CDSN: variants seen among roughly 807,000 people sequenced by gnomAD.
CDSN encodes the protein corneodesmosin.
In CDSN, 11 loss-of-function variants were observed where a neutral mutation model predicts 25.6. The observed-to-expected ratio is 0.43, with a 90% CI of 0.27 to 0.71. The LOEUF is 0.71. CDSN is among the 30% of genes least tolerant of loss of function. The pLI, the probability that CDSN is intolerant of heterozygous loss-of-function variation, is 0.20. For synonymous variants in CDSN, 266 were observed against 267.4 expected (o/e 0.99, Z 0.05); for missense variants, 598 against 670.9 (o/e 0.89, Z 1.20).
intron 1 of CDSN, among the ~76,000 whole-genome samples, chr6:31,119,099 C>T (rs1772324704): frequency 6.6e-6 from 1 of 151,938 alleles, no homozygotes; most frequent in Admixed American, 6.6e-5. Flanking sequence ...CTGCCTTGGC[C>T]TCCTGAAATG....
chr6:31,119,220 C>T (rs3095325), intron 1 of CDSN, among the ~76,000 whole-genome samples: 52,876 of 151,962 alleles, frequency 0.35, 9,636 homozygotes, highest in South Asian at 0.54. Flanking sequence ...CACCAACAAC[C>T]AGACTGCCAT....
At position 31,116,151 on chromosome 6, in the gene CDSN, G is replaced by A. The variant is rs141505496; in HGVS notation, c.1464C>T (p.Ser488=). The A allele has an allele frequency of 3.7e-6, 6 of 1,611,266 alleles. No homozygotes were observed. Among genetic ancestry groups the A allele is most frequent in the Non-Finnish European group, 5.1e-6 (6 of 1,178,354 alleles). The change falls in exon 2 of 2, where the codon TCC becomes TCT. Residue 488 remains serine (S), a synonymous_variant. Transcript: ENST00000376288. ...DPSAGAKPCG[S]SSAGKIPCRS... ...GGCAGGGGATCTTTCCAGCACTGCT[G>A]GAGCCACAGGGCTTGGCACCAGCGG...
rs1167492307 is a variant in CDSN at position 31,116,980 on chromosome 6, C to T, written c.635G>A (p.Ser212Asn). The T allele has an allele frequency of 1.2e-6, 2 of 1,614,082 alleles. No individual in the cohort carries two copies. The highest frequency in any genetic ancestry group is 1.7e-6 in the Non-Finnish European group (2 of 1,180,048). Residue 212 changes from serine to asparagine, a missense_variant, in exon 2 of 2, where the codon AGC becomes AAC. Ser to Asn is a conservative substitution (Grantham distance 46). Transcript: ENST00000376288. Reference protein sequence around the residue: ...FGVSSSGQSVSSNQRPCSSDI... With the variant: ...FGVSSSGQSVNSNQRPCSSDI... Reference sequence around the variant, plus strand: ...CGAACTACAGGGACGCTGGTTGGAGCTGACGCTTTGGCCACTGCTGGATAC... The same window carrying T: ...CGAACTACAGGGACGCTGGTTGGAGTTGACGCTTTGGCCACTGCTGGATAC...
rs1358720008 is a variant in CDSN, at chr6:31,116,883, G to A, written c.732C>T (p.His244=). The A allele has an allele frequency of 6.2e-7, 1 of 1,613,984 alleles. No individual in the cohort carries two copies. The highest frequency in any genetic ancestry group is 1.3e-5 in the African/African-American group (1 of 74,926). The part of the protein sequence containing the change: ...SHSGPYIPSS[H]SVSGGQRPVV... ...CAGGCCTCTGACCCCCTGACACAGA[G>A]TGGGAGCTGGGGATGTAGGGGCCGG... Residue 244 remains histidine (H), a synonymous_variant, in exon 2 of 2, where the codon CAC becomes CAT. Coordinates refer to ENST00000376288, the MANE Select transcript of CDSN (RefSeq NM_001264.5).
chr6:31,116,806 C>A lies in CDSN; in HGVS notation c.809G>T (p.Gly270Val), dbSNP rs925389963. Residue 270 changes from glycine (G) to valine (V), a missense_variant, in exon 2 of 2, where the codon GGT (glycine) becomes GTT (valine). Transcript: ENST00000376288. Reference sequence around the variant, plus strand: ...AAGGCCACCATTGCTACAGGGGGGACCTTGAACCACTCCAGGGGCACCAGA... The same window carrying A: ...AAGGCCACCATTGCTACAGGGGGGAACTTGAACCACTCCAGGGGCACCAGA... ...HGSGAPGVVQ[G>V]PPCSNGGLPG... The A allele has an allele frequency of 1.2e-6, 2 of 1,613,886 alleles. No individual in the cohort carries two copies. Among genetic ancestry groups the A allele is most frequent in the African/African-American group, 1.3e-5 (1 of 75,016 alleles).
Position 31,117,281 on chromosome 6 carries a change from A to G in CDSN, c.334T>C (p.Tyr112His). The G allele has an allele frequency of 6.2e-7, 1 of 1,600,828 alleles. No individual in the cohort carries two copies. Residue 112 changes from tyrosine (Y) to histidine (H), a missense_variant, in exon 2 of 2, where the codon TAT (tyrosine) becomes CAT (histidine). Transcript: ENST00000376288. The part of the protein sequence containing the change: ...SAGSFKPGTG[Y>H]SQVSYSSGSG... The stretch of plus-strand genomic sequence containing the variant: ...CCGGAGGAGTAGCTGACCTGGGAAT[A>G]CCCCGTTCCTGGCTTAAAAGATCCT...
chr6:31,120,432 G>T lies in CDSN; in HGVS notation c.-13C>A, dbSNP rs200160014. The T allele has an allele frequency of 6.4e-7, 1 of 1,568,168 alleles. No individual in the cohort carries two copies. Among genetic ancestry groups the T allele is most frequent in the Non-Finnish European group, 8.6e-7 (1 of 1,156,498 alleles). On this transcript the variant is annotated 5_prime_UTR_variant, in exon 1 of 2. Coordinates refer to ENST00000376288, the MANE Select transcript of CDSN (RefSeq NM_001264.5). The stretch of plus-strand genomic sequence containing the variant: ...GAGACGAGCCCATCTCGGACTGCAC[G>T]GCCTCCTGACTGATGGCAGCTCAAG...
At position 31,115,698 on chromosome 6, in the gene CDSN, G is replaced by T. The variant is rs1772071789; in HGVS notation, c.*327C>A. The T allele has an allele frequency of 2.6e-6, 1 of 384,514 alleles. No homozygotes were observed. The highest frequency in any genetic ancestry group is 4.7e-6 in the Non-Finnish European group (1 of 214,194). The allele number at this position is 384,514 out of a possible 1,614,324, so 23.8% of individuals were successfully genotyped here. ...TTTCCCAGTTGAGAAGCTGATGGGG[G>T]TGTTACTCAATGGACCATTTCCACA... On this transcript the variant is annotated 3_prime_UTR_variant, in exon 2 of 2. Coordinates refer to ENST00000376288, the MANE Select transcript of CDSN (RefSeq NM_001264.5). The surrounding 1 kb of genome is among the most constrained non-coding windows in gnomAD (Gnocchi z 4.2).
At position 31,115,859 on chromosome 6, in the gene CDSN, AAGAG is replaced by A; in HGVS notation, c.*162_*165del. The A allele has an allele frequency of 1.6e-6, 1 of 622,758 alleles. No individual in the cohort carries two copies. The highest frequency in any genetic ancestry group is 2.7e-5 in the East Asian group (1 of 36,382). The allele number at this position is 622,758 out of a possible 1,614,324, so 38.6% of individuals were successfully genotyped here. On this transcript the variant is annotated 3_prime_UTR_variant, in exon 2 of 2. Transcript: ENST00000376288. The surrounding 1 kb of genome is among the most constrained non-coding windows in gnomAD (Gnocchi z 4.2). ...AGAAGAGGAAGGAGGAAGGGGTGATAAGAGAGAGTCTGCAACCTTGGGGTAGTGG... is the reference window on the plus strand; with the variant it reads ...AGAAGAGGAAGGAGGAAGGGGTGATAAGAGTCTGCAACCTTGGGGTAGTGG...
Position 31,116,208 on chromosome 6 carries a change from C to T in CDSN, c.1407G>A (p.Gly469=). 1 of 1,613,800 alleles carries T rather than the reference C, an allele frequency of 6.2e-7. No individual in the cohort carries two copies. The highest frequency in any genetic ancestry group is 8.5e-7 in the Non-Finnish European group (1 of 1,179,810). Residue 469 remains glycine (G), a synonymous_variant, in exon 2 of 2, where the codon GGG becomes GGA. Transcript: ENST00000376288. ...CMSVSSLTLT[G]GPDGSPHPDP... Reference sequence around the variant, plus strand: ...CAGGATGGGGAGAGCCATCGGGGCCCCCAGTCAGTGTCAAGGAGGAGACAG... The same window carrying T: ...CAGGATGGGGAGAGCCATCGGGGCCTCCAGTCAGTGTCAAGGAGGAGACAG...
rs150898829 is a variant in CDSN at position 31,117,040 on chromosome 6, G to A, written c.575C>T (p.Pro192Leu). 2.6e-4 allele frequency: 413 copies of A among 1,614,252 alleles called. No individual in the cohort carries two copies. The African/African-American group carries it at 2.8e-3, about 11-fold the overall frequency. Residue 192 changes from proline (P) to leucine (L), a missense_variant, in exon 2 of 2, where the codon CCT becomes CTT. Coordinates refer to ENST00000376288, the MANE Select transcript of CDSN (RefSeq NM_001264.5). ...SYRGILNPSQ[P>L]GQSSSSSQTF... is the part of the protein sequence containing the mutation. ...CTGGGAAGAGGAAGAGCTTTGTCCA[G>A]GCTGGGAAGGGTTTAGTATTCCGCG...
chr6:31,116,735 C>G lies in CDSN; in HGVS notation c.880G>C (p.Gly294Arg). The change falls in exon 2 of 2, where the codon GGT becomes CGT. Residue 294 changes from glycine (G) to arginine (R), a missense_variant. Gly to Arg is a moderately radical substitution (Grantham distance 125, BLOSUM62 -2). Transcript: ENST00000376288. ...GAGCCACCCACCACCTCGTAGCCACCATAGGATTTGTCTACAGAGGTGATT... is the reference window on the plus strand; with the variant it reads ...GAGCCACCCACCACCTCGTAGCCACGATAGGATTTGTCTACAGAGGTGATT... ...PPITSVDKSY[G>R]GYEVVGGSSD... 6.2e-7 allele frequency: 1 copy of G among 1,612,992 alleles called. No homozygotes were observed. Among genetic ancestry groups the G allele is most frequent in the Non-Finnish European group, 8.5e-7 (1 of 1,180,024 alleles).
chr6:31,118,113 A>G (rs1367419713), intron 1 of CDSN: 1 of 154,620 alleles, frequency 6.5e-6, no homozygotes, highest in Non-Finnish European at 1.4e-5. Context: ...CAAAGGGAAG[A>G]AGACAAAAGG....
chr6:31,116,675 T>C lies in CDSN; in HGVS notation c.940A>G (p.Ser314Gly). 1 of 1,612,762 alleles carries C rather than the reference T, an allele frequency of 6.2e-7. No homozygotes were observed. The highest frequency in any genetic ancestry group is 8.5e-7 in the Non-Finnish European group (1 of 1,180,026). ...CCCACAGGGTAGATTTTACCCTTAC[T>C]GTAGGTCATGCCTGGAACCAGATAA... ...DSYLVPGMTY[S>G]KGKIYPVGYF... is the part of the protein sequence containing the mutation. The change falls in exon 2 of 2, where the codon AGT becomes GGT. Residue 314 changes from serine (S) to glycine (G), a missense_variant. Transcript: ENST00000376288.
rs1292308589 is a variant in CDSN, at chr6:31,115,094, A to C, written c.*931T>G. On this transcript the variant is annotated 3_prime_UTR_variant, in exon 2 of 2. Coordinates refer to ENST00000376288, the MANE Select transcript of CDSN (RefSeq NM_001264.5). The surrounding 1 kb of genome is among the most constrained non-coding windows in gnomAD (Gnocchi z 4.2). ...GGGAGGCCAGGCAATCTCTGCTTTC[A>C]GTTCAACAAATATTTATTGTCTTCC... The C allele has an allele frequency of 2.8e-6, 1 of 356,014 alleles. No individual in the cohort carries two copies. The highest frequency in any genetic ancestry group is 5.5e-6 in the Non-Finnish European group (1 of 181,592). The allele number at this position is 356,014 out of a possible 1,614,324, so 22.1% of individuals were successfully genotyped here.
chr6:31,120,149 A>G (rs1466956009), intron 1 of CDSN, among the ~76,000 whole-genome samples, 186 bp downstream of exon 1: 1 of 152,070 alleles, frequency 6.6e-6, no homozygotes, highest in African/African-American at 2.4e-5. Context: ...CATTAACCCC[A>G]CTTCAGAGTT....
In CDSN at chr6:31,116,690, GA is replaced by G; in HGVS notation, c.924del (p.Pro309GlnfsTer3). 6.2e-7 allele frequency: 1 copy of G among 1,612,720 alleles called. No individual in the cohort carries two copies. Among genetic ancestry groups the G allele is most frequent in the African/African-American group, 1.3e-5 (1 of 75,030 alleles). On this transcript the variant is annotated frameshift_variant, in exon 2 of 2. Transcript: ENST00000376288. LOFTEE classifies it high-confidence loss of function. ...VVGGSSDSYL[V>X]PGMTYSKGKI... is the part of the protein sequence containing the mutation. Reference sequence around the variant, plus strand: ...TTACCCTTACTGTAGGTCATGCCTGGAACCAGATAACTGTCAGAGGAGCCAC... The same window carrying G: ...TTACCCTTACTGTAGGTCATGCCTGGACCAGATAACTGTCAGAGGAGCCAC...
In CDSN at chr6:31,116,849, C is replaced by T. The variant is rs1368159566; in HGVS notation, c.766G>A (p.Val256Met). The change falls in exon 2 of 2, where the codon GTG (valine) becomes ATG (methionine). Residue 256 changes from valine (V) to methionine (M), a missense_variant. Physicochemically the swap from Val to Met is conservative, Grantham distance 21. Coordinates refer to ENST00000376288, the MANE Select transcript of CDSN (RefSeq NM_001264.5). ...GCACCAGAACCGTGCTGGTCCACCA[C>T]CACCACCACAGGCCTCTGACCCCCT... ...VSGGQRPVVVVVDQHGSGAPG... is the reference protein window; with the variant it reads ...VSGGQRPVVVMVDQHGSGAPG... 6.2e-7 allele frequency: 1 copy of T among 1,614,066 alleles called. No homozygotes were observed. The highest frequency in any genetic ancestry group is 1.1e-5 in the South Asian group (1 of 91,082).
In CDSN at chr6:31,115,997, G is replaced by A. The variant is rs1451460057; in HGVS notation, c.*28C>T. 1.3e-6 allele frequency: 2 copies of A among 1,582,902 alleles called. No individual in the cohort carries two copies. Among genetic ancestry groups the A allele is most frequent in the Non-Finnish European group, 1.7e-6 (2 of 1,159,856 alleles). On this transcript the variant is annotated 3_prime_UTR_variant, in exon 2 of 2. Transcript: ENST00000376288. This position sits in a 1 kb window ranked among gnomAD's most constrained non-coding sequence, Gnocchi z 4.2. ...AGTGTATGTGCTTGTTTGTGCCCAA[G>A]GCATGCACACACACAACAGTTGACT...
Sources: gnomAD v4.1 joint callset for allele counts (sites outside exome capture counted in the v4.1 genomes callset) on GRCh38, gnomAD v4.1.1 for gene constraint, Gnocchi (gnomAD v3.1) non-coding constraint, MANE v1.5 for transcripts, NCBI Gene and HGNC (gene_info 2026-07-23, HGNC 2026-07-21) for gene names.